DENND2C: variants seen among roughly 807,000 people sequenced by gnomAD.
DENND2C encodes DENN domain containing 2C, also known as DENN domain-containing protein 2C.
A neutral mutation model predicts 112.4 loss-of-function variants in DENND2C; 72 were observed. That is an observed-to-expected ratio of 0.64 (90% CI 0.53 to 0.78). The LOEUF is 0.78. Among genes scored for constraint, DENND2C ranks in the 30% least tolerant of loss-of-function variants. The pLI is 0.00. For synonymous variants in DENND2C, 329 were observed against 381.6 expected, an observed-to-expected ratio of 0.86 and a Z score of 1.61; for missense variants, 992 against 1,113.8, an observed-to-expected ratio of 0.89 and a Z score of 1.56.
chr1:114,612,352 T>TA (rs1491164172), intron 8 of DENND2C, among the ~76,000 whole-genome samples: 1 of 41,980 alleles, frequency 2.4e-5, no homozygotes, highest in Non-Finnish European at 4.8e-5. Flanking sequence ...CAGTTATAAA[T>TA]TTTTTTTTTT....
At chr1:114,618,100 T>C (rs2101660811) in intron 8 of DENND2C, among the ~76,000 whole-genome samples, 1 of 152,192 alleles carries the variant, frequency 6.6e-6, no homozygotes, top group South Asian at 2.1e-4. Flanking sequence ...GCCATTCTCC[T>C]GCCTCAGCCT....
At chr1:114,627,769 T>G (rs569850064) in intron 3 of DENND2C, among the ~76,000 whole-genome samples, 4 of 152,278 alleles carry the variant, frequency 2.6e-5, no homozygotes, top group Non-Finnish European at 5.9e-5. Flanking sequence ...ATTCTTTTCT[T>G]GCTTCTGGTA....
At chr1:114,586,571 AAC>A (rs1655043512) in intron 20 of DENND2C, among the ~76,000 whole-genome samples, 1 of 152,106 alleles carries the variant, frequency 6.6e-6, no homozygotes, top group East Asian at 1.9e-4. Context: ...TTTTCTCCAA[AAC>A]ACTTTGAAAC....
At chr1:114,605,158 G>A (rs1655626077) in intron 10 of DENND2C, 127 bp from the exon 11 acceptor site, 2 of 633,466 alleles carry the variant, frequency 3.2e-6, no homozygotes, top group East Asian at 2.8e-5. Context: ...ATAAGCCTCA[G>A]CATGGTTTTG....
At chr1:114,622,491 T>C (rs1457380207) in intron 6 of DENND2C, among the ~76,000 whole-genome samples, 2 of 152,158 alleles carry the variant, frequency 1.3e-5, no homozygotes, top group Non-Finnish European at 2.9e-5. Context: ...CTATATTTAA[T>C]TTAAAATCAT....
chr1:114,587,377 A>T lies in DENND2C; in HGVS notation c.2755+10T>A. On this transcript the variant is annotated intron_variant, in intron 20 of 20. Transcript: ENST00000393274. Reference sequence around the variant, plus strand: ...CCACATTTATCTAACAGGAAAACACAGCAACTAACCAAGACTCCGCAAAAT... The same window carrying T: ...CCACATTTATCTAACAGGAAAACACTGCAACTAACCAAGACTCCGCAAAAT... 1.2e-6 allele frequency: 2 copies of T among 1,614,152 alleles called. No individual in the cohort carries two copies. The highest frequency in any genetic ancestry group is 1.7e-6 in the Non-Finnish European group (2 of 1,180,000).
chr1:114,631,452 A>G (rs1473441252), intron 3 of DENND2C, among the ~76,000 whole-genome samples: 2 of 152,170 alleles, frequency 1.3e-5, no homozygotes, highest in Non-Finnish European at 2.9e-5. Context: ...AAGAAACCTG[A>G]AAATGAGACC....
chr1:114,625,864 A>C lies in DENND2C; in HGVS notation c.121T>G (p.Trp41Gly). The stretch of plus-strand genomic sequence containing the variant: ...CTCACTCCAAAGTCCTTTGGACACC[A>C]CTTTTCTGGATTAGATATACCATTA... ...RANGISNPEK[W>G]CPKDFGVRYN... Residue 41 changes from tryptophan to glycine, a missense_variant, in exon 4 of 21, where the codon TGG (tryptophan) becomes GGG (glycine). Trp to Gly is a radical substitution (Grantham distance 184). Coordinates refer to ENST00000393274, the MANE Select transcript of DENND2C (RefSeq NM_001256404.2). 2 of 1,614,008 alleles carry C rather than the reference A, an allele frequency of 1.2e-6. No homozygotes were observed. The highest frequency in any genetic ancestry group is 1.7e-6 in the Non-Finnish European group (2 of 1,179,982).
intron 2 of DENND2C, among the ~76,000 whole-genome samples, chr1:114,649,146 G>C (rs12122655): frequency 0.23 from 35,177 of 151,596 alleles, 4,481 homozygotes; most frequent in Non-Finnish European, 0.28. Context: ...GTAGAGACAG[G>C]GTTTCAGCAT....
intron 2 of DENND2C, among the ~76,000 whole-genome samples, chr1:114,654,216 A>G (rs1178377299): frequency 6.6e-6 from 1 of 152,124 alleles, no homozygotes; most frequent in African/African-American, 2.4e-5. Context: ...GTGGATCACG[A>G]AGTCAGGAGA....
chr1:114,597,345 G>A (rs778156844), intron 16 of DENND2C, among the ~76,000 whole-genome samples: 2 of 151,994 alleles, frequency 1.3e-5, no homozygotes, highest in Non-Finnish European at 2.9e-5. Context: ...CTGGGAGGCT[G>A]AGACAGGAGA....
At chr1:114,643,043 A>G (rs1309873881) in intron 3 of DENND2C, among the ~76,000 whole-genome samples, 1 of 152,188 alleles carries the variant, frequency 6.6e-6, no homozygotes, top group African/African-American at 2.4e-5. Flanking sequence ...TGTCTTTGCC[A>G]TGACCTCAAG....
intron 10 of DENND2C, 96 bp downstream of exon 10, chr1:114,608,590 A>G: frequency 7.2e-7 from 1 of 1,385,926 alleles, no homozygotes; most frequent in African/African-American, 1.4e-5. Flanking sequence ...TATTGGTAAA[A>G]ACTTGTTGAG....
At position 114,599,355 on chromosome 1, in the gene DENND2C, G is replaced by A. The variant is rs1655431962; in HGVS notation, c.2202C>T (p.Asp734=). 7 of 1,614,142 alleles carry A rather than the reference G, an allele frequency of 4.3e-6. No homozygotes were observed. Among genetic ancestry groups the A allele is most frequent in the Non-Finnish European group, 5.9e-6 (7 of 1,179,998 alleles). Residue 734 remains aspartate (D), a synonymous_variant, in exon 16 of 21, where the codon GAC becomes GAT. Transcript: ENST00000393274. ...GGAATGGTGTAGGTGAGCACACGATGTCAATCATAGATGCTGGCAGGACTG... is the reference window on the plus strand; with the variant it reads ...GGAATGGTGTAGGTGAGCACACGATATCAATCATAGATGCTGGCAGGACTG... ...YIPVLPASMI[D]IVCSPTPFLI...
chr1:114,644,504 C>T (rs1413598783), intron 3 of DENND2C, among the ~76,000 whole-genome samples: 3 of 152,070 alleles, frequency 2.0e-5, no homozygotes, highest in Non-Finnish European at 4.4e-5. Context: ...ACTTTAAGTG[C>T]CTCCAATGAT....
chr1:114,655,282 A>G (rs1657277213), intron 1 of DENND2C, among the ~76,000 whole-genome samples: 1 of 152,214 alleles, frequency 6.6e-6, no homozygotes, highest in African/African-American at 2.4e-5. Context: ...AATTATATGC[A>G]TCAAAATAAA....
intron 3 of DENND2C, among the ~76,000 whole-genome samples, chr1:114,633,439 C>CAAAAAAAAAAAAAA (rs780884019): frequency 3.0e-4 from 15 of 49,196 alleles, no homozygotes; most frequent in African/African-American, 5.4e-4. Flanking sequence ...GACCCTATCT[C>CAAAAAAAAAAAAAA]AAAAAAAAAA....
chr1:114,594,574 G>C lies in DENND2C; in HGVS notation c.2330C>G (p.Ser777Cys). 2 of 1,611,224 alleles carry C rather than the reference G, an allele frequency of 1.2e-6. No homozygotes were observed. Among genetic ancestry groups the C allele is most frequent in the African/African-American group, 1.3e-5 (1 of 74,872 alleles). ...TGGTGGTAGAATTTCATCCTCATCA[G>C]ATACCTTAAGAAGAAAAAAAAATGG... ...LCADKFLQEV[S>C]DEDEILPPKL... is the part of the protein sequence containing the mutation. Residue 777 changes from serine to cysteine, a missense_variant, in exon 18 of 21, where the codon TCT (serine) becomes TGT (cysteine). Physicochemically the swap from Ser to Cys is moderately radical, Grantham distance 112. Coordinates refer to ENST00000393274, the MANE Select transcript of DENND2C (RefSeq NM_001256404.2).
intron 20 of DENND2C, among the ~76,000 whole-genome samples, chr1:114,586,010 T>C (rs1655027728): frequency 6.6e-6 from 1 of 152,118 alleles, no homozygotes; most frequent in Admixed American, 6.5e-5. Flanking sequence ...CCCCATTGTA[T>C]AAAGATGAAA....
Sources: allele counts gnomAD v4.1 joint callset (sites outside exome capture counted in the v4.1 genomes callset), GRCh38; gene constraint gnomAD v4.1.1; transcripts MANE v1.5; gene names NCBI Gene and HGNC (gene_info 2026-07-23, HGNC 2026-07-21).